The following HDAC4 variants were observed in gnomAD, a reference collection of about 807,000 sequenced individuals.
The protein encoded by HDAC4 is histone deacetylase A.
Under a neutral mutation model 135.1 loss-of-function variants are expected in HDAC4, and 16 were observed. That is an observed-to-expected ratio of 0.12 (90% CI 0.08 to 0.18). The LOEUF is 0.18. HDAC4 is among the 10% of genes least tolerant of loss of function. HDAC4 has a pLI of 1.00. For synonymous variants in HDAC4, 685 were observed against 653.4 expected (o/e 1.05, Z -0.74); for missense variants, 1,143 against 1,511.8 (o/e 0.76, Z 4.05).
At chr2:239,124,792 G>A (rs1409420893) in intron 12 of HDAC4, among the ~76,000 whole-genome samples, 11 of 110,974 alleles carry the variant, frequency 9.9e-5, no homozygotes, top group Non-Finnish European at 1.5e-4. Flanking sequence ...GTGTGGCCGC[G>A]TTATATGACA....
At chr2:239,195,683 GC>G (rs1396853188) in intron 3 of HDAC4, among the ~76,000 whole-genome samples, 2 of 152,212 alleles carry the variant, frequency 1.3e-5, no homozygotes, top group African/African-American at 2.4e-5. Flanking sequence ...AAAGAATGCA[GC>G]ATCAAAACAA....
intron 4 of HDAC4, 30 bp downstream of exon 4, chr2:239,189,803 G>A (rs764824136): frequency 1.6e-5 from 25 of 1,590,054 alleles, no homozygotes; most frequent in Admixed American, 1.2e-4. Flanking sequence ...CGGAGGCCTG[G>A]CCCACCCGCA....
At chr2:239,070,652 G>A (rs1193141410) in intron 22 of HDAC4, among the ~76,000 whole-genome samples, 1 of 152,222 alleles carries the variant, frequency 6.6e-6, no homozygotes, top group African/African-American at 2.4e-5. Context: ...GGACAGCAAG[G>A]ACCTCATGAG....
At chr2:239,305,713 T>C (rs2052542605) in intron 2 of HDAC4, among the ~76,000 whole-genome samples, 1 of 152,258 alleles carries the variant, frequency 6.6e-6, no homozygotes, top group Admixed American at 6.5e-5. Flanking sequence ...TAGTTTCATT[T>C]AGTGACTAAA....
chr2:239,345,422 C>T (rs1692546621), intron 2 of HDAC4, among the ~76,000 whole-genome samples: 2 of 151,904 alleles, frequency 1.3e-5, no homozygotes, highest in African/African-American at 4.8e-5. Flanking sequence ...TGGTGGCATG[C>T]AGAGGTGCAT....
rs150870132 is a variant in HDAC4, at chr2:239,085,593, C to CA, written c.2445-1352dup. ...GAAAAGAAACTTCAGAGAAATGAAA[C>CA]AAACAGGAAGCCTGGTGCCCAAGTG... On this transcript the variant is annotated intron_variant, in intron 19 of 26. Transcript: ENST00000543185. Among the ~76,000 whole-genome samples the CA allele has an allele frequency of 9.0e-3, 1,369 of 152,362 alleles. 27 individuals are homozygous for CA. The highest frequency in any genetic ancestry group is 0.031 in the African/African-American group (1,304 of 41,590).
chr2:239,369,520 A>G (rs927891576), intron 1 of HDAC4, among the ~76,000 whole-genome samples: 1 of 152,208 alleles, frequency 6.6e-6, no homozygotes, highest in Admixed American at 6.5e-5. Flanking sequence ...TATTGTTGCA[A>G]TTGTTTACAA....
chr2:239,140,502 C>T (rs1194723464), intron 8 of HDAC4, among the ~76,000 whole-genome samples: 1 of 152,200 alleles, frequency 6.6e-6, no homozygotes, highest in African/African-American at 2.4e-5. Context: ...TGGGAGGCCG[C>T]TGAGGCTCTC....
At chr2:239,346,957 T>C (rs1692744630) in intron 2 of HDAC4, among the ~76,000 whole-genome samples, 1 of 82,622 alleles carries the variant, frequency 1.2e-5, no homozygotes, top group African/African-American at 3.5e-5. Context: ...ACATTGTGTC[T>C]AAAACACACA....
intron 5 of HDAC4, among the ~76,000 whole-genome samples, chr2:239,172,079 CAAT>C (rs1040685766): frequency 7.9e-5 from 12 of 151,880 alleles, no homozygotes; most frequent in Non-Finnish European, 1.3e-4. Flanking sequence ...ATAATAACAA[CAAT>C]GTCTTGTGAT....
At chr2:239,242,106 A>G (rs1311508627) in intron 2 of HDAC4, among the ~76,000 whole-genome samples, 2 of 144,890 alleles carry the variant, frequency 1.4e-5, no homozygotes, top group African/African-American at 5.6e-5. Flanking sequence ...AGGAAGGAGA[A>G]AAAAAGAAAG....
rs1326382265 is a variant in HDAC4, at chr2:239,049,658, T to A, written c.*3439A>T. 1.3e-5 allele frequency: 2 copies of A among 152,494 alleles called. No homozygotes were observed. The highest frequency in any genetic ancestry group is 2.9e-5 in the Non-Finnish European group (2 of 68,032). 9.4% of individuals were successfully genotyped at this position (152,494 alleles called of 1,614,324 possible). A position where few individuals can be genotyped will look rare whatever the true frequency, so the allele number is the denominator to read the frequency against. ...CAAACTTGCTTTTGTGTCAGACCAT[T>A]ACGAAATGGTCCTTCCCCTTGCAAA... On this transcript the variant is annotated 3_prime_UTR_variant, in exon 27 of 27. Transcript: ENST00000543185.
intron 2 of HDAC4, among the ~76,000 whole-genome samples, chr2:239,346,978 AACAC>A (rs34061813): frequency 0.11 from 14,725 of 134,238 alleles, 1,471 homozygotes; most frequent in East Asian, 0.44. Context: ...CACGCACCCT[AACAC>A]ACACACCCTG....
At position 239,167,011 on chromosome 2, in the gene HDAC4, C is replaced by T. The variant is rs930653891; in HGVS notation, c.491-3088G>A. Among the ~76,000 whole-genome samples the T allele has an allele frequency of 3.3e-4, 50 of 152,072 alleles. No homozygotes were observed. Among genetic ancestry groups the T allele is most frequent in the African/African-American group, 1.2e-3 (48 of 41,400 alleles). ...AACCGCAAAATGATGCTGGTGACAG[C>T]GACAGTGAGGATGAGGACCCAGATG... On this transcript the variant is annotated intron_variant, in intron 5 of 26. Transcript: ENST00000543185. This position sits in a 1 kb window ranked among gnomAD's most constrained non-coding sequence, Gnocchi z 4.1.
chr2:239,208,730 T>C (rs1158649753), intron 3 of HDAC4, among the ~76,000 whole-genome samples: 1 of 151,462 alleles, frequency 6.6e-6, no homozygotes, highest in East Asian at 2.0e-4. Context: ...CGGTGTTAGA[T>C]AAGATCAACA....
intron 11 of HDAC4, among the ~76,000 whole-genome samples, chr2:239,132,387 C>G (rs373227725): frequency 6.6e-6 from 1 of 152,184 alleles, no homozygotes; most frequent in African/African-American, 2.4e-5. Context: ...GCAGGATGAG[C>G]TGCTGGCAAC....
intron 1 of HDAC4, among the ~76,000 whole-genome samples, chr2:239,393,380 A>T (rs530056653): frequency 6.6e-6 from 1 of 152,176 alleles, no homozygotes; most frequent in Non-Finnish European, 1.5e-5. Context: ...CTCTCCATTA[A>T]ATGCAAGAAG....
intron 22 of HDAC4, among the ~76,000 whole-genome samples, chr2:239,070,942 T>TCA: frequency 6.7e-6 from 1 of 148,522 alleles, no homozygotes; most frequent in African/African-American, 2.4e-5. Context: ...TTTTTTTTTT[T>TCA]TTTACATTAA....
intron 2 of HDAC4, among the ~76,000 whole-genome samples, chr2:239,341,436 G>A (rs1276561164): frequency 6.6e-6 from 1 of 152,236 alleles, no homozygotes; most frequent in Non-Finnish European, 1.5e-5. Context: ...CAGTCCATGT[G>A]AAAACAAAGA....
Sources: allele counts gnomAD v4.1 joint callset (sites outside exome capture counted in the v4.1 genomes callset), GRCh38; gene constraint gnomAD v4.1.1; non-coding constraint Gnocchi (gnomAD v3.1); transcripts MANE v1.5; gene names NCBI Gene and HGNC (gene_info 2026-07-23, HGNC 2026-07-21).